Variants in STXBP5L observed in about 807,000 individuals in gnomAD.
STXBP5L encodes syntaxin-binding protein 5-like.
In STXBP5L, 65 loss-of-function variants were observed where a neutral mutation model predicts 144.5. The ratio of observed to expected loss-of-function variants is 0.45; its 90% confidence interval spans 0.37 to 0.55. STXBP5L has a LOEUF of 0.55. Among genes scored for constraint, STXBP5L ranks in the 20% least tolerant of loss-of-function variants. The probability of loss-of-function intolerance (pLI) is 0.00; values close to 1 mark genes in which losing one functional copy is unlikely to be tolerated. For synonymous variants in STXBP5L, 505 were observed against 469.6 expected (o/e 1.08, Z -0.97); for missense variants, 1,298 against 1,405.5 (o/e 0.92, Z 1.22).
At chr3:121,352,107 T>A (rs1052794077) in intron 20 of STXBP5L, among the ~76,000 whole-genome samples, 7 of 152,142 alleles carry the variant, frequency 4.6e-5, no homozygotes, top group Admixed American at 3.3e-4. Context: ...TAGTTTGAAG[T>A]CAGGTAGCAT....
intron 22 of STXBP5L, among the ~76,000 whole-genome samples, chr3:121,397,914 A>G (rs2046772981): frequency 6.6e-6 from 1 of 152,242 alleles, no homozygotes. Context: ...CCAGTGCTGT[A>G]GAGAAATGAT....
At chr3:120,925,801 G>A (rs928058345) in intron 2 of STXBP5L, among the ~76,000 whole-genome samples, 3 of 151,966 alleles carry the variant, frequency 2.0e-5, no homozygotes, top group African/African-American at 7.3e-5. Flanking sequence ...TTTATTTTTA[G>A]TGAAGCTACA....
At chr3:121,396,986 T>C (rs1464920696) in intron 22 of STXBP5L, among the ~76,000 whole-genome samples, 1 of 152,242 alleles carries the variant, frequency 6.6e-6, no homozygotes, top group Non-Finnish European at 1.5e-5. Context: ...TTAATAGGCA[T>C]AGCAAAAGCA....
intron 5 of STXBP5L, among the ~76,000 whole-genome samples, chr3:121,045,832 C>T (rs1057220463): frequency 3.3e-5 from 5 of 152,032 alleles, no homozygotes; most frequent in Admixed American, 6.6e-5. Context: ...TCCTTTCTTC[C>T]TATTAATATT....
chr3:121,327,539 AT>A, intron 20 of STXBP5L, among the ~76,000 whole-genome samples: 1 of 152,280 alleles, frequency 6.6e-6, no homozygotes, highest in Middle Eastern at 3.4e-3. Context: ...TTAGTCTCTC[AT>A]GCTATACCAC....
intron 20 of STXBP5L, among the ~76,000 whole-genome samples, chr3:121,325,384 T>C (rs1348727195): frequency 2.6e-5 from 4 of 152,046 alleles, no homozygotes; most frequent in Admixed American, 2.6e-4. Context: ...AAAACTAAAG[T>C]TCAGACTATT....
chr3:121,344,806 T>C (rs1197707813), intron 20 of STXBP5L, among the ~76,000 whole-genome samples: 1 of 151,790 alleles, frequency 6.6e-6, no homozygotes, highest in Non-Finnish European at 1.5e-5. Context: ...GGGAAATCAA[T>C]TGATACTATA....
intron 18 of STXBP5L, among the ~76,000 whole-genome samples, chr3:121,277,623 G>A (rs1007900963): frequency 2.0e-5 from 3 of 151,056 alleles, no homozygotes; most frequent in Admixed American, 2.0e-4. Context: ...TGTTTCTATT[G>A]AGCTATTTTT....
intron 5 of STXBP5L, among the ~76,000 whole-genome samples, chr3:121,059,518 A>G (rs2041151058): frequency 6.6e-6 from 1 of 152,142 alleles, no homozygotes; most frequent in Non-Finnish European, 1.5e-5. Flanking sequence ...GAAGAATGTC[A>G]GTGGTAGCTT....
chr3:121,076,928 T>C (rs116330514), intron 5 of STXBP5L, among the ~76,000 whole-genome samples: 1,703 of 152,226 alleles, frequency 0.011, 33 homozygotes, highest in African/African-American at 0.038. Flanking sequence ...TTAATTCCTG[T>C]CACAGCTAGC....
At chr3:121,250,694 T>C in intron 14 of STXBP5L, 29 bp from the exon 15 acceptor site, 12 of 1,576,230 alleles carry the variant, frequency 7.6e-6, no homozygotes, top group Non-Finnish European at 9.5e-6. Context: ...TAGTATACTT[T>C]AATTAATGCT....
At chr3:120,972,594 TC>T (rs1278076359) in intron 3 of STXBP5L, among the ~76,000 whole-genome samples, 1 of 152,106 alleles carries the variant, frequency 6.6e-6, no homozygotes, top group Non-Finnish European at 1.5e-5. Context: ...AGCTGGGACT[TC>T]CAGTACTATG....
chr3:121,336,518 C>CCAAA (rs567346346), intron 20 of STXBP5L, among the ~76,000 whole-genome samples: 2 of 151,710 alleles, frequency 1.3e-5, no homozygotes, highest in Admixed American at 6.6e-5. Context: ...AACCAACCAA[C>CCAAA]CAAACAAACA....
chr3:120,930,731 C>T (rs896410866), intron 2 of STXBP5L, among the ~76,000 whole-genome samples: 1 of 152,152 alleles, frequency 6.6e-6, no homozygotes, highest in African/African-American at 2.4e-5. Context: ...CATTTAACTT[C>T]TGCTTCCCTC....
At position 121,288,689 on chromosome 3, in the gene STXBP5L, AT is replaced by A. The variant is rs576597311; in HGVS notation, c.2110+8741del. Among the ~76,000 whole-genome samples the A allele has an allele frequency of 8.8e-3, 1,332 of 151,798 alleles. 12 individuals are homozygous for A. The highest frequency in any genetic ancestry group is 0.023 in the African/African-American group (962 of 41,406). On this transcript the variant is annotated intron_variant, in intron 19 of 26. Transcript: ENST00000471454. The stretch of plus-strand genomic sequence containing the variant: ...CTTTTGCCTACTTTTTAATAAAATC[AT>A]TTTTTTTGTTACAAATTTGTTTACA...
intron 3 of STXBP5L, among the ~76,000 whole-genome samples, chr3:121,018,381 C>A (rs1256187949): frequency 2.6e-5 from 4 of 151,934 alleles, no homozygotes; most frequent in East Asian, 1.9e-4. Flanking sequence ...ATAAATAGAT[C>A]AATGATACAA....
chr3:121,371,705 C>A lies in STXBP5L; in HGVS notation c.2177-7011C>A, dbSNP rs538939491. On this transcript the variant is annotated intron_variant, in intron 20 of 26. Coordinates refer to ENST00000471454, the MANE Select transcript of STXBP5L (RefSeq NM_001308330.2). ...AGTGGTGGTGTTATCATGGGAGCAC[C>A]GGTGGGTGCTGTGTGTGCCCTCTGT... is the stretch of plus-strand genomic sequence containing the variant. 3.3e-5 allele frequency among the ~76,000 whole-genome samples: 5 copies of A among 152,284 alleles called. No homozygotes were observed. In the South Asian group the frequency reaches 1.0e-3, roughly 32 times the overall value.
intron 3 of STXBP5L, among the ~76,000 whole-genome samples, chr3:120,992,446 C>T (rs529715510): frequency 6.6e-6 from 1 of 152,034 alleles, no homozygotes; most frequent in Non-Finnish European, 1.5e-5. Context: ...CTCTCTTGTC[C>T]TTCCCCCATG....
intron 6 of STXBP5L, among the ~76,000 whole-genome samples, chr3:121,119,463 T>C (rs1471678633): frequency 1.3e-5 from 2 of 151,372 alleles, no homozygotes; most frequent in Admixed American, 1.3e-4. Flanking sequence ...GAAAAGCCCA[T>C]AATGGAAACT....
Sources: gnomAD v4.1 joint callset for allele counts (sites outside exome capture counted in the v4.1 genomes callset) on GRCh38, gnomAD v4.1.1 for gene constraint, MANE v1.5 for transcripts, NCBI Gene and HGNC (gene_info 2026-07-23, HGNC 2026-07-21) for gene names.